AMOTL2: variants seen among roughly 807,000 people sequenced by gnomAD.
AMOTL2 encodes the protein angiomotin like 2, also known as angiomotin-like protein 2.
In AMOTL2, 33 loss-of-function variants were observed where a neutral mutation model predicts 78.4. The observed-to-expected ratio is 0.42, with a 90% confidence interval of 0.32 to 0.56. The LOEUF (loss-of-function observed/expected upper bound fraction) is 0.56. Among genes scored for constraint, AMOTL2 ranks in the 20% least tolerant of loss-of-function variants. The pLI, the probability that AMOTL2 is intolerant of heterozygous loss-of-function variation, is 0.12. For synonymous variants in AMOTL2, 422 were observed against 428.8 expected, an observed-to-expected ratio of 0.98 and a Z score of 0.20; for missense variants, 983 against 1,030.1, an observed-to-expected ratio of 0.95 and a Z score of 0.63.
intron 2 of AMOTL2, among the ~76,000 whole-genome samples, chr3:134,368,606 T>C (rs539456589): frequency 3.9e-5 from 6 of 152,306 alleles, no homozygotes; most frequent in East Asian, 1.9e-4. Context: ...GATGACGCTA[T>C]GTAAGGCCTG....
At position 134,370,842 on chromosome 3, in the gene AMOTL2, C is replaced by T. The variant is rs571810227; in HGVS notation, c.592G>A (p.Gly198Ser). ...GACTCTGGGCCCTCAGCAGGGGGGC[C>T]CCTCAGTGGGGGGCCCTGCTGGTTG... ...ARNQQGPPLRGPPAEGPESRG... is the reference protein window; with the variant it reads ...ARNQQGPPLRSPPAEGPESRG... Residue 198 changes from glycine (G) to serine (S), a missense_variant, in exon 2 of 10, where the codon GGC becomes AGC. Transcript: ENST00000249883. The T allele has an allele frequency of 1.3e-6, 2 of 1,596,766 alleles. No individual in the cohort carries two copies. The highest frequency in any genetic ancestry group is 1.7e-6 in the Non-Finnish European group (2 of 1,169,850).
intron 1 of AMOTL2, among the ~76,000 whole-genome samples, chr3:134,372,530 A>AACACACACACACACACAC (rs58443336): frequency 0.013 from 1,807 of 144,406 alleles, 24 homozygotes; most frequent in Middle Eastern, 0.028. Flanking sequence ...TATCCTCCCC[A>AACACACACACACACACAC]ACACACACAC....
Position 134,367,715 on chromosome 3 carries a change from G to T in AMOTL2, c.823C>A (p.Pro275Thr). ...LQQSQEHPPP[P>T]HPAALGHGPL... ...CCATGGCCGAGAGCAGCTGGATGTG[G>T]GGGAGGGGGGTGCTCCTGAGATTGC... is the stretch of plus-strand genomic sequence containing the variant. Residue 275 changes from proline (P) to threonine (T), a missense_variant, in exon 3 of 10, where the codon CCA becomes ACA. Coordinates refer to ENST00000249883, the MANE Select transcript of AMOTL2 (RefSeq NM_016201.4). The T allele has an allele frequency of 1.2e-6, 2 of 1,613,708 alleles. No individual in the cohort carries two copies. Among genetic ancestry groups the T allele is most frequent in the Non-Finnish European group, 1.7e-6 (2 of 1,179,994 alleles).
rs190406163 is a variant in AMOTL2 at position 134,367,668 on chromosome 3, T to G, written c.870A>C (p.Pro290=). 12 of 1,613,128 alleles carry G rather than the reference T, an allele frequency of 7.4e-6. No homozygotes were observed. In the African/African-American group the frequency reaches 1.6e-4, roughly 22 times the overall value. ...LGHGPLSSLS[P]PAVEGPVSAQ... Reference sequence around the variant, plus strand: ...CACTCACTGGCCCCTCCACAGCAGGTGGACTGAGGGAGCTCAGGGGGCCAT... The same window carrying G: ...CACTCACTGGCCCCTCCACAGCAGGGGGACTGAGGGAGCTCAGGGGGCCAT... The change falls in exon 3 of 10, where the codon CCA becomes CCC. Residue 290 remains proline, a synonymous_variant. Coordinates refer to ENST00000249883, the MANE Select transcript of AMOTL2 (RefSeq NM_016201.4).
chr3:134,360,065 CCA>C (rs1425636094), intron 7 of AMOTL2, 39 bp downstream of exon 7: 1 of 1,571,966 alleles, frequency 6.4e-7, no homozygotes. Flanking sequence ...ACATTGCCAC[CCA>C]CCCCCCCAAC....
chr3:134,368,683 C>G (rs183560449), intron 2 of AMOTL2, among the ~76,000 whole-genome samples: 119 of 152,314 alleles, frequency 7.8e-4, no homozygotes, highest in South Asian at 1.4e-3. Context: ...TCCTCCATCT[C>G]TTCTAGTAGG....
intron 8 of AMOTL2, 46 bp downstream of exon 8, chr3:134,359,237 A>G: frequency 3.1e-6 from 5 of 1,595,726 alleles, no homozygotes; most frequent in Non-Finnish European, 4.3e-6. Flanking sequence ...GTTCAGGCCC[A>G]GGAGAAATTA....
At chr3:134,361,906 T>A in intron 5 of AMOTL2, 99 bp from the exon 6 acceptor site, 3 of 1,025,386 alleles carry the variant, frequency 2.9e-6, no homozygotes, top group Non-Finnish European at 4.1e-6. Context: ...CACAGTTGCT[T>A]CTCATTCTCT....
intron 1 of AMOTL2, chr3:134,373,499 C>T (rs1170057615): frequency 2.0e-6 from 2 of 985,548 alleles, no homozygotes; most frequent in Non-Finnish European, 2.4e-6. Context: ...CCTGCTTCCG[C>T]GCCCCCGGCC....
rs2017197065 is a variant in AMOTL2 at position 134,358,698 on chromosome 3, T to A, written c.2126A>T (p.Glu709Val). ...LTTADRAPTE[E>V]PVVTAPPAAH... Reference sequence around the variant, plus strand: ...AGCAGGGGGAGCTGTGACCACTGGCTCCTCTGTGGGTGCTCTGTCTGCTGG... The same window carrying A: ...AGCAGGGGGAGCTGTGACCACTGGCACCTCTGTGGGTGCTCTGTCTGCTGG... Residue 709 changes from glutamate to valine, a missense_variant, in exon 9 of 10, where the codon GAG (glutamate) becomes GTG (valine). Coordinates refer to ENST00000249883, the MANE Select transcript of AMOTL2 (RefSeq NM_016201.4). 1 of 1,614,130 alleles carries A rather than the reference T, an allele frequency of 6.2e-7. No individual in the cohort carries two copies. Among genetic ancestry groups the A allele is most frequent in the East Asian group, 2.2e-5 (1 of 44,880 alleles).
At position 134,359,486 on chromosome 3, in the gene AMOTL2, G is replaced by A. The variant is rs1247252545; in HGVS notation, c.1901C>T (p.Ala634Val). 2 of 1,613,600 alleles carry A rather than the reference G, an allele frequency of 1.2e-6. No individual in the cohort carries two copies. The highest frequency in any genetic ancestry group is 8.5e-7 in the Non-Finnish European group (1 of 1,179,934). ...EMESRLKVLH[A>V]QILEKDAVIK... ...CACTGCATCCTTCTCCAGGATCTGGGCATGGAGCACCTTTAACCTGAGGGG... is the reference window on the plus strand; with the variant it reads ...CACTGCATCCTTCTCCAGGATCTGGACATGGAGCACCTTTAACCTGAGGGG... The change falls in exon 8 of 10, where the codon GCC becomes GTC. Residue 634 changes from alanine (A) to valine (V), a missense_variant. Transcript: ENST00000249883.
At chr3:134,360,895 C>T (rs890335012) in intron 6 of AMOTL2, among the ~76,000 whole-genome samples, 1 of 152,222 alleles carries the variant, frequency 6.6e-6, no homozygotes, top group African/African-American at 2.4e-5. Context: ...GGCTGGTGGC[C>T]AGACGCAGTG....
At chr3:134,361,411 C>T in intron 6 of AMOTL2, 101 bp downstream of exon 6, 1 of 1,370,678 alleles carries the variant, frequency 7.3e-7, no homozygotes, top group African/African-American at 1.5e-5. Flanking sequence ...AGCAGGGGCT[C>T]CCGGGGCCTC....
chr3:134,357,509 G>T lies in AMOTL2; in HGVS notation c.*196C>A, dbSNP rs1478752273. ...GGGCTAAGAAGCAGAGTCTTCTGGG[G>T]GTGCCGGTGCTCTCACAGCTCTCCT... On this transcript the variant is annotated 3_prime_UTR_variant, in exon 10 of 10. Transcript: ENST00000249883. The T allele has an allele frequency of 3.3e-6, 2 of 613,522 alleles. No individual in the cohort carries two copies. Among genetic ancestry groups the T allele is most frequent in the South Asian group, 1.9e-5 (1 of 52,236 alleles). 38.0% of individuals were successfully genotyped at this position (613,522 alleles called of 1,614,324 possible).
Position 134,359,479 on chromosome 3 carries a change from G to T in AMOTL2, c.1908C>A (p.Ile636=), listed in dbSNP as rs767383888. 12 of 1,613,772 alleles carry T rather than the reference G, an allele frequency of 7.4e-6. No individual in the cohort carries two copies. Among genetic ancestry groups the T allele is most frequent in the Non-Finnish European group, 1.0e-5 (12 of 1,179,982 alleles). The change falls in exon 8 of 10, where the codon ATC becomes ATA. Residue 636 remains isoleucine, a synonymous_variant. Coordinates refer to ENST00000249883, the MANE Select transcript of AMOTL2 (RefSeq NM_016201.4). ...ESRLKVLHAQ[I]LEKDAVIKVL... Reference sequence around the variant, plus strand: ...CCTTGATCACTGCATCCTTCTCCAGGATCTGGGCATGGAGCACCTTTAACC... The same window carrying T: ...CCTTGATCACTGCATCCTTCTCCAGTATCTGGGCATGGAGCACCTTTAACC...
At position 134,361,676 on chromosome 3, in the gene AMOTL2, G is replaced by C. The variant is rs775506732; in HGVS notation, c.1411C>G (p.Arg471Gly). 1 of 1,611,398 alleles carries C rather than the reference G, an allele frequency of 6.2e-7. No individual in the cohort carries two copies. The highest frequency in any genetic ancestry group is 8.5e-7 in the Non-Finnish European group (1 of 1,179,868). Reference protein sequence around the residue: ...ALGNAQGRAARAEEELRKKQA... With the variant: ...ALGNAQGRAAGAEEELRKKQA... ...TTCTTGCGCAGCTCCTCTTCGGCTC[G>C]AGCTGCCCGGCCCTGCGCATTGCCC... The change falls in exon 6 of 10, where the codon CGA (arginine) becomes GGA (glycine). Residue 471 changes from arginine to glycine, a missense_variant. By Grantham distance (125) the Arg-to-Gly change is moderately radical (BLOSUM62 -2). Coordinates refer to ENST00000249883, the MANE Select transcript of AMOTL2 (RefSeq NM_016201.4).
Position 134,359,519 on chromosome 3 carries a change from C to T in AMOTL2, c.1884-16G>A, listed in dbSNP as rs757928976. 3.8e-6 allele frequency: 6 copies of T among 1,597,418 alleles called. No homozygotes were observed. The African/African-American group carries it at 4.0e-5, about 11-fold the overall frequency. On this transcript the variant is annotated splice_polypyrimidine_tract_variant and intron_variant, in intron 7 of 9. Coordinates refer to ENST00000249883, the MANE Select transcript of AMOTL2 (RefSeq NM_016201.4). ...CACCTTTAACCTGAGGGGTGAGAGG[C>T]CATGCCCACATTGTCAGACCCACAG...
Position 134,356,734 on chromosome 3 carries a change from C to T in AMOTL2, c.*971G>A, listed in dbSNP as rs1258231724. The T allele has an allele frequency of 6.6e-6, 1 of 152,642 alleles. No individual in the cohort carries two copies. The highest frequency in any genetic ancestry group is 6.5e-5 in the Admixed American group (1 of 15,284). 9.5% of individuals were successfully genotyped at this position (152,642 alleles called of 1,614,324 possible). A position where few individuals can be genotyped will look rare whatever the true frequency, so the allele number is the denominator to read the frequency against. On this transcript the variant is annotated 3_prime_UTR_variant, in exon 10 of 10. Transcript: ENST00000249883. Reference sequence around the variant, plus strand: ...GCCCACCTGGGGGCATGGCAGATGTCTGTTCACGGTGGCTCATTTCATCTG... The same window carrying T: ...GCCCACCTGGGGGCATGGCAGATGTTTGTTCACGGTGGCTCATTTCATCTG...
chr3:134,365,678 T>C (rs752544124), intron 5 of AMOTL2, 139 bp downstream of exon 5: 14 of 696,018 alleles, frequency 2.0e-5, no homozygotes, highest in Admixed American at 5.0e-5. Context: ...CAGTCTAGTG[T>C]TGGGCATACA....
Sources: allele counts gnomAD v4.1 joint callset (sites outside exome capture counted in the v4.1 genomes callset), GRCh38; gene constraint gnomAD v4.1.1; transcripts MANE v1.5; gene names NCBI Gene and HGNC (gene_info 2026-07-23, HGNC 2026-07-21).